ABCB1: variants seen among roughly 807,000 people sequenced by gnomAD.
ABCB1 encodes ATP binding cassette subfamily B member 1.
Under a neutral mutation model 142.0 loss-of-function variants are expected in ABCB1, and 69 were observed. The observed-to-expected ratio is 0.49, with a 90% CI of 0.40 to 0.59. The LOEUF is 0.59. Among genes scored for constraint, ABCB1 ranks in the 20% least tolerant of loss-of-function variants. The pLI, the probability that ABCB1 is intolerant of heterozygous loss-of-function variation, is 0.00. For synonymous variants in ABCB1, 532 were observed against 539.2 expected (o/e 0.99, Z 0.18); for missense variants, 1,326 against 1,554.7 (o/e 0.85, Z 2.47).
intron 3 of ABCB1, among the ~76,000 whole-genome samples, chr7:87,587,840 A>T (rs1292587464): frequency 2.1e-5 from 3 of 145,392 alleles, no homozygotes; most frequent in Admixed American, 1.4e-4. Flanking sequence ...GCACCACTGC[A>T]CTCCAGCCTG....
chr7:87,544,950 CT>C lies in ABCB1; in HGVS notation c.1936del (p.Ser646ValfsTer17). ...ELENAADESK[S>X]EIDALEMSSN... The stretch of plus-strand genomic sequence containing the variant: ...AGACATTTCCAAGGCATCAATTTCA[CT>C]TTTGGATTCATCAGCTGCATTTTCT... On this transcript the variant is annotated frameshift_variant, in exon 16 of 28. Transcript: ENST00000622132. LOFTEE classifies it high-confidence loss of function. 6.2e-7 allele frequency: 1 copy of C among 1,614,050 alleles called. No homozygotes were observed. The highest frequency in any genetic ancestry group is 2.2e-5 in the East Asian group (1 of 44,870).
At chr7:87,693,330 G>C (rs1828185041) in intron 1 of ABCB1, among the ~76,000 whole-genome samples, 1 of 152,116 alleles carries the variant, frequency 6.6e-6, no homozygotes, top group Non-Finnish European at 1.5e-5. Flanking sequence ...ATATCTAAGT[G>C]CTGCTCTCTA....
At chr7:87,604,873 C>G (rs370020002), upstream of ABCB1, among the ~76,000 whole-genome samples, 4 of 152,184 alleles carry the variant, frequency 2.6e-5, no homozygotes, top group African/African-American at 9.6e-5. Context: ...TATTTTCTAC[C>G]ACTCCGCAAT....
At position 87,580,685 on chromosome 7, in the gene ABCB1, C is replaced by T. The variant is rs192384247; in HGVS notation, c.286+4827G>A. Among the ~76,000 whole-genome samples, 16 of 152,232 alleles carry T rather than the reference C, an allele frequency of 1.1e-4. No homozygotes were observed. In the East Asian group the frequency reaches 3.1e-3, roughly 29 times the overall value. ...TACCTCCTATTTAAGGCCAATAACT[C>T]TTGGATTTACCCTTTTAAGGCTATT... is the stretch of plus-strand genomic sequence containing the variant. On this transcript the variant is annotated intron_variant, in intron 4 of 27. Coordinates refer to ENST00000622132, the MANE Select transcript of ABCB1 (RefSeq NM_001348946.2).
chr7:87,671,748 T>C (rs775727129), intron 1 of ABCB1, among the ~76,000 whole-genome samples: 3 of 152,174 alleles, frequency 2.0e-5, no homozygotes, highest in Non-Finnish European at 4.4e-5. Flanking sequence ...GTAGAGCAGC[T>C]GTTCCGTGCT....
chr7:87,505,984 G>A lies in ABCB1; in HGVS notation c.3549C>T (p.Arg1183=). 6.2e-7 allele frequency: 1 copy of A among 1,614,046 alleles called. No homozygotes were observed. The highest frequency in any genetic ancestry group is 1.1e-5 in the South Asian group (1 of 91,074). ...GTQLSGGQKQ[R]IAIARALVRQ... ...TAACAAGGGCACGAGCTATGGCAAT[G>A]CGTTGTTTCTGGCCACCAGAGAGCT... Residue 1183 remains arginine (R), a synonymous_variant, in exon 27 of 28, where the codon CGC becomes CGT. Transcript: ENST00000622132.
At position 87,566,175 on chromosome 7, in the gene ABCB1, T is replaced by C. The variant is rs199848022; in HGVS notation, c.597A>G (p.Thr199=). The C allele has an allele frequency of 1.2e-6, 2 of 1,614,012 alleles. No homozygotes were observed. Among genetic ancestry groups the C allele is most frequent in the African/African-American group, 2.7e-5 (2 of 74,906 alleles). ...KIGMFFQSMA[T]FFTGFIVGFT... is the part of the protein sequence containing the mutation. ...ATCCTACTATAAACCCAGTGAAAAATGTTGCCATTGACTGAAAGAACATTC... is the reference window on the plus strand; with the variant it reads ...ATCCTACTATAAACCCAGTGAAAAACGTTGCCATTGACTGAAAGAACATTC... Residue 199 remains threonine (T), a synonymous_variant, in exon 7 of 28, where the codon ACA becomes ACG. Transcript: ENST00000622132.
At chr7:87,525,011 G>T (rs760146598) in intron 21 of ABCB1, among the ~76,000 whole-genome samples, 4 of 151,732 alleles carry the variant, frequency 2.6e-5, no homozygotes, top group Non-Finnish European at 4.4e-5. Context: ...CCGAATAAAA[G>T]TGGGAGTTTG....
At chr7:87,521,846 G>A (rs1423623012) in intron 21 of ABCB1, 3 of 772,404 alleles carry the variant, frequency 3.9e-6, no homozygotes, top group Non-Finnish European at 7.0e-6. Flanking sequence ...GAATAGTATG[G>A]AAAAATTGAA....
intron 1 of ABCB1, chr7:87,650,819 T>C (rs373115764): frequency 1.3e-6 from 2 of 1,571,322 alleles, no homozygotes; most frequent in African/African-American, 2.7e-5. Flanking sequence ...CTTTTTTTCA[T>C]AGGTTTTCTG....
chr7:87,644,647 T>C lies in ABCB1; in HGVS notation c.-330-43569A>G, dbSNP rs181780858. On this transcript the variant is annotated intron_variant, in intron 1 of 28. Transcript: ENST00000265724. ...CATGGTATAGATAAGAAGATCTATT[T>C]TATTTGAACATTTTTTTTCCTGAAG... Among the ~76,000 whole-genome samples the C allele has an allele frequency of 5.3e-5, 8 of 152,234 alleles. No homozygotes were observed. In the East Asian group the frequency reaches 1.5e-3, roughly 29 times the overall value.
At chr7:87,512,436 G>A (rs1443629661) in intron 25 of ABCB1, among the ~76,000 whole-genome samples, 5 of 152,082 alleles carry the variant, frequency 3.3e-5, no homozygotes, top group Admixed American at 6.6e-5. Context: ...AATCCAGGCC[G>A]GCTGTGTTTT....
chr7:87,701,769 AAC>A (rs1829058487), intron 1 of ABCB1, among the ~76,000 whole-genome samples: 1 of 152,212 alleles, frequency 6.6e-6, no homozygotes, highest in South Asian at 2.1e-4. Context: ...CAACCAAAAC[AAC>A]ACATTGTTAC....
At chr7:87,684,468 G>C (rs1485451427) in intron 1 of ABCB1, among the ~76,000 whole-genome samples, 3 of 152,138 alleles carry the variant, frequency 2.0e-5, no homozygotes, top group Admixed American at 2.0e-4. Flanking sequence ...ATTGGTAAAA[G>C]CTTATACGTA....
intron 1 of ABCB1, among the ~76,000 whole-genome samples, chr7:87,606,233 T>C (rs923968103): frequency 2.6e-5 from 4 of 152,094 alleles, no homozygotes; most frequent in Non-Finnish European, 4.4e-5. Context: ...TACTGAAATA[T>C]TCATGCTAAC....
intron 1 of ABCB1, among the ~76,000 whole-genome samples, chr7:87,703,322 TA>T (rs1489862463): frequency 4.6e-5 from 7 of 152,288 alleles, no homozygotes; most frequent in East Asian, 1.9e-4. Context: ...AAATATTTTG[TA>T]AGCACGAACT....
In ABCB1 at chr7:87,700,705, G is replaced by A; in HGVS notation, c.-331+12456C>T. ...GTTCTGTGATGTTTCTACATTTCTTGAATTATCTAAACTAGTGGCTCTCAA... is the reference window on the plus strand; with the variant it reads ...GTTCTGTGATGTTTCTACATTTCTTAAATTATCTAAACTAGTGGCTCTCAA... On this transcript the variant is annotated intron_variant, in intron 1 of 28. Transcript: ENST00000265724. 5.9e-6 allele frequency: 4 copies of A among 675,234 alleles called. 1 individual carries two copies. The South Asian group carries it at 7.4e-5, about 12-fold the overall frequency. The allele number at this position is 675,234 out of a possible 1,614,324, so 41.8% of individuals were successfully genotyped here. A position where few individuals can be genotyped will look rare whatever the true frequency, so the allele number is the denominator to read the frequency against.
chr7:87,559,745 G>T (rs1269179564), intron 8 of ABCB1, among the ~76,000 whole-genome samples: 1 of 152,142 alleles, frequency 6.6e-6, no homozygotes, highest in Non-Finnish European at 1.5e-5. Context: ...TCACAGAGTA[G>T]TATAAATTCA....
intron 3 of ABCB1, among the ~76,000 whole-genome samples, chr7:87,586,395 C>G (rs1051417433): frequency 2.6e-5 from 4 of 152,104 alleles, no homozygotes; most frequent in African/African-American, 9.7e-5. Flanking sequence ...GGGCTCAGGG[C>G]CCCCTTGGGA....
Sources: allele counts gnomAD v4.1 joint callset (sites outside exome capture counted in the v4.1 genomes callset), GRCh38; gene constraint gnomAD v4.1.1; transcripts MANE v1.5; gene names NCBI Gene and HGNC (gene_info 2026-07-23, HGNC 2026-07-21).